Variants in UGGT2 observed in about 807,000 individuals in gnomAD.
UGGT2 encodes the protein UDP-glucose glycoprotein glucosyltransferase 2.
UGGT2 carries 180 observed loss-of-function variants against 192.1 expected under a neutral mutation model. That is an observed-to-expected ratio of 0.94 (90% CI 0.83 to 1.06). The LOEUF (loss-of-function observed/expected upper bound fraction) is 1.06. Among genes scored for constraint, UGGT2 ranks in the 50% least tolerant of loss-of-function variants. The pLI is 0.00. For missense variants in UGGT2, 1,849 were observed against 1,795.7 expected, an observed-to-expected ratio of 1.03 and a Z score of -0.54; for synonymous variants, 580 against 591.0, an observed-to-expected ratio of 0.98 and a Z score of 0.27.
chr13:96,021,559 A>G (rs1475215722), intron 4 of UGGT2, among the ~76,000 whole-genome samples: 1 of 152,222 alleles, frequency 6.6e-6, no homozygotes, highest in Admixed American at 6.5e-5. Flanking sequence ...TAATTTCAAT[A>G]AATGTACAGC....
chr13:96,029,470 G>C (rs2052766254), intron 2 of UGGT2, among the ~76,000 whole-genome samples: 1 of 151,900 alleles, frequency 6.6e-6, no homozygotes, highest in South Asian at 2.1e-4. Context: ...ATTTTCAGTA[G>C]AGACGGGGTC....
chr13:95,949,361 A>G lies in UGGT2; in HGVS notation c.1429T>C (p.Ser477Pro). Residue 477 changes from serine to proline, a missense_variant, in exon 13 of 39, where the codon TCC becomes CCC. Ser to Pro is a moderately conservative substitution (Grantham distance 74). Coordinates refer to ENST00000376747, the MANE Select transcript of UGGT2 (RefSeq NM_020121.4). The part of the protein sequence containing the change: ...LKPVFPGSVP[S>P]IRRNFHNLVL... ...AAATTATGAAAATTGCGCCTTATGGAAGGTACACTTCCAGGAAATACTGGC... is the reference window on the plus strand; with the variant it reads ...AAATTATGAAAATTGCGCCTTATGGGAGGTACACTTCCAGGAAATACTGGC... The G allele has an allele frequency of 6.4e-7, 1 of 1,570,560 alleles. No homozygotes were observed. The highest frequency in any genetic ancestry group is 1.2e-5 in the South Asian group (1 of 82,250).
chr13:95,927,968 G>C (rs188533067), intron 17 of UGGT2, among the ~76,000 whole-genome samples: 27 of 152,276 alleles, frequency 1.8e-4, no homozygotes, highest in Middle Eastern at 3.4e-3. Context: ...GTTTCAGAGA[G>C]CACGGGGTTG....
In UGGT2 at chr13:96,013,368, T is replaced by A; in HGVS notation, c.599A>T (p.Lys200Ile). The change falls in exon 5 of 39, where the codon AAA (lysine) becomes ATA (isoleucine). Residue 200 changes from lysine to isoleucine, a missense_variant. Transcript: ENST00000376747. Reference protein sequence around the residue: ...MGTRTFSAFHKVLSEKAQNEE... With the variant: ...MGTRTFSAFHIVLSEKAQNEE... ...ATTTTGAGCTTTTTCAGACAATACT[T>A]TGTGAAATGCACTAAATGTTCTAGT... 3 of 1,608,684 alleles carry A rather than the reference T, an allele frequency of 1.9e-6. No individual in the cohort carries two copies. Among genetic ancestry groups the A allele is most frequent in the Non-Finnish European group, 2.5e-6 (3 of 1,178,730 alleles).
intron 27 of UGGT2, among the ~76,000 whole-genome samples, chr13:95,884,008 C>G (rs2047569292): frequency 6.9e-6 from 1 of 144,550 alleles, no homozygotes; most frequent in African/African-American, 2.5e-5. Context: ...AATTTTGTTT[C>G]CTACTTTCTA....
At chr13:96,001,597 G>A (rs1292553528) in intron 5 of UGGT2, among the ~76,000 whole-genome samples, 1 of 152,158 alleles carries the variant, frequency 6.6e-6, no homozygotes, top group Non-Finnish European at 1.5e-5. Flanking sequence ...GATGGGCATA[G>A]CTCCCCAGGG....
intron 12 of UGGT2, among the ~76,000 whole-genome samples, chr13:95,967,573 A>G (rs1316058567): frequency 6.8e-6 from 1 of 147,346 alleles, no homozygotes; most frequent in Non-Finnish European, 1.5e-5. Context: ...TCTCAGGTTC[A>G]AGCGATTTTC....
intron 12 of UGGT2, among the ~76,000 whole-genome samples, chr13:95,959,960 T>G (rs1029481197): frequency 6.6e-6 from 1 of 152,174 alleles, no homozygotes; most frequent in Non-Finnish European, 1.5e-5. Context: ...CACTAGCAAC[T>G]GTGCTACAAG....
intron 29 of UGGT2, among the ~76,000 whole-genome samples, chr13:95,876,547 TG>T (rs1437998733): frequency 6.6e-6 from 1 of 152,168 alleles, no homozygotes; most frequent in Non-Finnish European, 1.5e-5. Context: ...TGGGTTTTAC[TG>T]GGGTGAGCAT....
chr13:95,873,816 G>A (rs1290516440), intron 29 of UGGT2, among the ~76,000 whole-genome samples: 1 of 152,140 alleles, frequency 6.6e-6, no homozygotes, highest in African/African-American at 2.4e-5. Context: ...CAGTGTCACC[G>A]CGATGATCAG....
At chr13:95,821,421 G>A (rs1316691392) in intron 38 of UGGT2, among the ~76,000 whole-genome samples, 3 of 151,902 alleles carry the variant, frequency 2.0e-5, no homozygotes, top group Admixed American at 1.3e-4. Flanking sequence ...CTTTGCCCAC[G>A]TTTGATGGGA....
chr13:95,895,251 T>C lies in UGGT2; in HGVS notation c.2688A>G (p.Glu896=). The change falls in exon 23 of 39, where the codon GAA becomes GAG. Residue 896 remains glutamate (E), a synonymous_variant. Coordinates refer to ENST00000376747, the MANE Select transcript of UGGT2 (RefSeq NM_020121.4). The part of the protein sequence containing the change: ...DFYAEDFYLL[E]KITFSNLGEK... ...CTCCTAAATTACTAAATGTTATCTT[T>C]TCCAACAAGTAAAAATCTTCTGCAT... is the stretch of plus-strand genomic sequence containing the variant. 6.4e-7 allele frequency: 1 copy of C among 1,563,860 alleles called. No individual in the cohort carries two copies. Among genetic ancestry groups the C allele is most frequent in the Non-Finnish European group, 8.7e-7 (1 of 1,154,532 alleles).
intron 20 of UGGT2, among the ~76,000 whole-genome samples, chr13:95,906,718 C>G (rs1238210954): frequency 1.3e-5 from 2 of 152,126 alleles, no homozygotes. Flanking sequence ...AAGAGAAATG[C>G]TTTTTTCACT....
chr13:95,852,325 T>C (rs1355192877), intron 36 of UGGT2, among the ~76,000 whole-genome samples: 5 of 152,284 alleles, frequency 3.3e-5, no homozygotes, highest in South Asian at 2.1e-4. Context: ...TTGCATCAGA[T>C]ACTCTCTTTG....
chr13:95,860,260 A>C (rs1890032768), intron 32 of UGGT2, among the ~76,000 whole-genome samples: 1 of 150,896 alleles, frequency 6.6e-6, no homozygotes, highest in East Asian at 1.9e-4. Flanking sequence ...CCTTTTTATA[A>C]AACAAGGTTT....
intron 29 of UGGT2, among the ~76,000 whole-genome samples, chr13:95,871,953 A>G (rs1267387798): frequency 2.4e-5 from 3 of 127,126 alleles, no homozygotes; most frequent in Non-Finnish European, 5.0e-5. Context: ...GCCTTGTTTG[A>G]CATCTCTGTC....
At chr13:95,971,492 G>A (rs968748249) in intron 11 of UGGT2, among the ~76,000 whole-genome samples, 1 of 151,648 alleles carries the variant, frequency 6.6e-6, no homozygotes, top group Non-Finnish European at 1.5e-5. Flanking sequence ...GAGCTGGGGG[G>A]TTTTATTTTT....
rs773029514 is a variant in UGGT2 at position 96,031,965 on chromosome 13, A to T, written c.165T>A (p.Phe55Leu). 1 of 1,607,968 alleles carries T rather than the reference A, an allele frequency of 6.2e-7. No individual in the cohort carries two copies. The highest frequency in any genetic ancestry group is 2.2e-5 in the East Asian group (1 of 44,632). The stretch of plus-strand genomic sequence containing the variant: ...ATTTTTCATTACTTTCTTCTGCCAT[A>T]AATTCACTATTAAAAAAATAGAAGT... The part of the protein sequence containing the change: ...ETPLLLEASE[F>L]MAEESNEKFW... The change falls in exon 2 of 39, where the codon TTT (phenylalanine) becomes TTA (leucine). Residue 55 changes from phenylalanine to leucine, a missense_variant. Coordinates refer to ENST00000376747, the MANE Select transcript of UGGT2 (RefSeq NM_020121.4).
At chr13:95,973,448 A>G (rs2050840640) in intron 10 of UGGT2, among the ~76,000 whole-genome samples, 1 of 152,202 alleles carries the variant, frequency 6.6e-6, no homozygotes, top group Non-Finnish European at 1.5e-5. Context: ...TAGTTGGCAC[A>G]TTCCTATTTC....
Sources: gnomAD v4.1 joint callset for allele counts (sites outside exome capture counted in the v4.1 genomes callset) on GRCh38, gnomAD v4.1.1 for gene constraint, MANE v1.5 for transcripts, NCBI Gene and HGNC (gene_info 2026-07-23, HGNC 2026-07-21) for gene names.